The following ABCA5 variants were observed in gnomAD, a reference collection of about 807,000 sequenced individuals.
The protein encoded by ABCA5 is ATP binding cassette subfamily A member 5.
ABCA5 carries 163 observed loss-of-function variants against 206.0 expected under a neutral mutation model. The observed-to-expected ratio is 0.79, with a 90% CI of 0.70 to 0.90. The LOEUF is 0.90. Ranked by LOEUF, ABCA5 falls within the 40% of genes least tolerant of loss-of-function variation. The pLI is 0.00. For synonymous variants in ABCA5, 609 were observed against 613.8 expected (o/e 0.99, Z 0.11); for missense variants, 1,859 against 1,912.9 (o/e 0.97, Z 0.53).
intron 1 of ABCA5, chr17:69,317,047 C>G (rs1161936914): frequency 6.6e-6 from 1 of 152,082 alleles, no homozygotes; most frequent in Non-Finnish European, 1.5e-5. Flanking sequence ...AAATACTTAC[C>G]GACAGATAAA....
At chr17:69,296,725 G>A (rs1173322152) in intron 10 of ABCA5, among the ~76,000 whole-genome samples, 1 of 152,224 alleles carries the variant, frequency 6.6e-6, no homozygotes, top group Non-Finnish European at 1.5e-5. Flanking sequence ...AGCACTTTGG[G>A]AGGCCGAGGC....
chr17:69,278,568 A>G (rs934082949), intron 18 of ABCA5, among the ~76,000 whole-genome samples: 6 of 152,220 alleles, frequency 3.9e-5, no homozygotes, highest in African/African-American at 1.4e-4. Context: ...GAGGTTGTAC[A>G]TGATCAATGA....
chr17:69,324,868 T>A (rs566067212), intron 1 of ABCA5, among the ~76,000 whole-genome samples: 2 of 152,196 alleles, frequency 1.3e-5, no homozygotes, highest in Non-Finnish European at 2.9e-5. Context: ...TAGGAACATA[T>A]CTGGCACATG....
intron 11 of ABCA5, among the ~76,000 whole-genome samples, chr17:69,291,655 T>C (rs940492353): frequency 1.3e-4 from 20 of 152,192 alleles, no homozygotes; most frequent in Admixed American, 8.5e-4. Context: ...AGGATATTTA[T>C]AGGCATTTAA....
At position 69,246,613 on chromosome 17, in the gene ABCA5, T is replaced by C. The variant is rs542428058; in HGVS notation, c.*924A>G. The C allele has an allele frequency of 1.3e-5, 2 of 152,046 alleles. No homozygotes were observed. Among genetic ancestry groups the C allele is most frequent in the South Asian group, 4.1e-4 (2 of 4,826 alleles). The allele number at this position is 152,046 out of a possible 1,614,324, so 9.4% of individuals were successfully genotyped here. A position where few individuals can be genotyped will look rare whatever the true frequency, so the allele number is the denominator to read the frequency against. ...ACACACTGATCTACTTACAATTTTATAGAAGAGATTCACTAAAGTTTACCA... is the reference window on the plus strand; with the variant it reads ...ACACACTGATCTACTTACAATTTTACAGAAGAGATTCACTAAAGTTTACCA... On this transcript the variant is annotated 3_prime_UTR_variant, in exon 39 of 39. Coordinates refer to ENST00000392676, the MANE Select transcript of ABCA5 (RefSeq NM_172232.4).
rs1317919305 is a variant in ABCA5 at position 69,251,782 on chromosome 17, A to C, written c.4500T>G (p.Cys1500Trp). 1 of 1,613,952 alleles carries C rather than the reference A, an allele frequency of 6.2e-7. No individual in the cohort carries two copies. The highest frequency in any genetic ancestry group is 8.5e-7 in the Non-Finnish European group (1 of 1,179,998). The change falls in exon 35 of 39, where the codon TGT becomes TGG. Residue 1500 changes from cysteine to tryptophan, a missense_variant. Physicochemically the swap from Cys to Trp is radical, Grantham distance 215 (BLOSUM62 -2). Transcript: ENST00000392676. ...CAGACACCATGATAGCTACTCGATC[A>C]CAGACAGCCTCTGCCTCCTCCATAT... ...THYMEEAEAVCDRVAIMVSGQ... is the reference protein window; with the variant it reads ...THYMEEAEAVWDRVAIMVSGQ...
rs2075898871 is a variant in ABCA5 at position 69,326,711 on chromosome 17, G to C, written c.-16+341C>G. 6.6e-6 allele frequency among the ~76,000 whole-genome samples: 1 copy of C among 152,160 alleles called. No individual in the cohort carries two copies. The highest frequency in any genetic ancestry group is 1.5e-5 in the Non-Finnish European group (1 of 68,020). ...GTGGAACGACAGCGTCCAGGCAAAG[G>C]CAGTGTCCCGAAGTCCCACGGCCGG... On this transcript the variant is annotated intron_variant, in intron 1 of 38. Transcript: ENST00000392676. This position sits in a 1 kb window ranked among gnomAD's most constrained non-coding sequence, Gnocchi z 4.8.
chr17:69,317,996 T>C (rs1025596113), intron 1 of ABCA5, among the ~76,000 whole-genome samples: 5 of 152,218 alleles, frequency 3.3e-5, no homozygotes, highest in Non-Finnish European at 5.9e-5. Flanking sequence ...GAGAAATTGC[T>C]GTGCCCTTGT....
At chr17:69,310,276 T>C (rs1423904050) in intron 3 of ABCA5, among the ~76,000 whole-genome samples, 1 of 152,052 alleles carries the variant, frequency 6.6e-6, no homozygotes, top group Non-Finnish European at 1.5e-5. Context: ...GCTTGGTCGA[T>C]AGTCACTCAT....
intron 4 of ABCA5, 24 bp from the exon 5 acceptor site, chr17:69,308,392 C>G (rs775497357): frequency 6.5e-7 from 1 of 1,535,000 alleles, no homozygotes; most frequent in Non-Finnish European, 9.0e-7. Context: ...AATATGAGAT[C>G]TAAGATTCTG....
At position 69,298,315 on chromosome 17, in the gene ABCA5, A is replaced by G. The variant is rs201595032; in HGVS notation, c.1268-956T>C. 0.011 allele frequency among the ~76,000 whole-genome samples: 198 copies of G among 17,802 alleles called. 5 individuals are homozygous for G. The East Asian group carries it at 0.13, about 12-fold the overall frequency. The allele number at this position is 17,802 out of a possible 152,430, so 11.7% of individuals were successfully genotyped here. On this transcript the variant is annotated intron_variant, in intron 9 of 38. Transcript: ENST00000392676. ...AGGGGAAAGAGAAAGAAAGAGAGAG[A>G]GAGGAAGGAAGGAAGGAAGGAAGGA...
At position 69,294,647 on chromosome 17, in the gene ABCA5, C is replaced by G. The variant is rs1330060557; in HGVS notation, c.1495+8G>C. ...TACTATGGCCTGAATACTAGGAAAA[C>G]TACTTACTTCTCAAAGCCTCCACAT... On this transcript the variant is annotated splice_region_variant and intron_variant, in intron 11 of 38. Coordinates refer to ENST00000392676, the MANE Select transcript of ABCA5 (RefSeq NM_172232.4). 1 of 1,597,544 alleles carries G rather than the reference C, an allele frequency of 6.3e-7. No individual in the cohort carries two copies. Among genetic ancestry groups the G allele is most frequent in the Non-Finnish European group, 8.6e-7 (1 of 1,167,350 alleles).
At chr17:69,302,927 G>T in intron 7 of ABCA5, 21 bp from the exon 8 acceptor site, 1 of 1,366,286 alleles carries the variant, frequency 7.3e-7, no homozygotes, top group Non-Finnish European at 9.8e-7. Flanking sequence ...CAAATATTAA[G>T]GTTAGTGCAA....
In ABCA5 at chr17:69,326,692, C is replaced by T. The variant is rs2075898649; in HGVS notation, c.-16+360G>A. ...TTCCCTGAGGTTGCTGAGGGTGGAACGACAGCGTCCAGGCAAAGGCAGTGT... is the reference window on the plus strand; with the variant it reads ...TTCCCTGAGGTTGCTGAGGGTGGAATGACAGCGTCCAGGCAAAGGCAGTGT... On this transcript the variant is annotated intron_variant, in intron 1 of 38. Transcript: ENST00000392676. The surrounding 1 kb of genome is among the most constrained non-coding windows in gnomAD (Gnocchi z 4.8). Among the ~76,000 whole-genome samples the T allele has an allele frequency of 6.6e-6, 1 of 152,180 alleles. No homozygotes were observed. The highest frequency in any genetic ancestry group is 2.4e-5 in the African/African-American group (1 of 41,454).
intron 3 of ABCA5, among the ~76,000 whole-genome samples, chr17:69,311,923 T>G (rs1351716330): frequency 6.6e-6 from 1 of 152,200 alleles, no homozygotes; most frequent in Non-Finnish European, 1.5e-5. Context: ...GTACCTAATA[T>G]GATACACTAC....
rs1048807279 is a variant in ABCA5, at chr17:69,290,908, T to C, written c.1606+308A>G. On this transcript the variant is annotated intron_variant, in intron 12 of 38. Transcript: ENST00000392676. ...TATTTTCTCAACCTCAAATAGTCTA[T>C]AGTTCTGATTTAATTTCCAATAAGT... Among the ~76,000 whole-genome samples, 3 of 152,258 alleles carry C rather than the reference T, an allele frequency of 2.0e-5. No individual in the cohort carries two copies. The South Asian group carries it at 6.2e-4, about 32-fold the overall frequency.
Position 69,270,744 on chromosome 17 carries a change from CAT to C in ABCA5, c.2897_2898del (p.Tyr966CysfsTer22), listed in dbSNP as rs1491046051. The C allele has an allele frequency of 1.1e-5, 17 of 1,540,002 alleles. No homozygotes were observed. The highest frequency in any genetic ancestry group is 1.5e-5 in the Non-Finnish European group (17 of 1,149,764). On this transcript the variant is annotated frameshift_variant, in exon 22 of 39. Coordinates refer to ENST00000392676, the MANE Select transcript of ABCA5 (RefSeq NM_172232.4). LOFTEE classifies it high-confidence loss of function. ...GTACTGTTGAAAACAGCTGCAAAAA[CAT>C]AGTCCTACAATTAAAAAAAAGACAC... ...ALNVMHSEKD[Y>X]VFAAVFNSTM...
At chr17:69,256,705 C>A (rs556110273) in intron 28 of ABCA5, among the ~76,000 whole-genome samples, 3 of 152,078 alleles carry the variant, frequency 2.0e-5, no homozygotes, top group Non-Finnish European at 4.4e-5. Flanking sequence ...ATCCACCTGC[C>A]TCAGCCTCCC....
chr17:69,271,981 G>A (rs972404667), intron 20 of ABCA5, among the ~76,000 whole-genome samples: 3 of 152,228 alleles, frequency 2.0e-5, no homozygotes, highest in South Asian at 2.1e-4. Flanking sequence ...CATGTCTGCC[G>A]AATAGATGCA....
Sources: allele counts gnomAD v4.1 joint callset (sites outside exome capture counted in the v4.1 genomes callset), GRCh38; gene constraint gnomAD v4.1.1; non-coding constraint Gnocchi (gnomAD v3.1); transcripts MANE v1.5; gene names NCBI Gene and HGNC (gene_info 2026-07-23, HGNC 2026-07-21).